ZP4: variants seen among roughly 807,000 people sequenced by gnomAD.
The protein encoded by ZP4 is zona pellucida glycoprotein 4.
ZP4 carries 62 observed loss-of-function variants against 62.3 expected under a neutral mutation model. That is an observed-to-expected ratio of 0.99 (90% CI 0.81 to 1.23). ZP4 has a LOEUF of 1.23. Ranked by LOEUF, ZP4 falls within the 50% of genes most tolerant of loss-of-function variation. The probability of loss-of-function intolerance (pLI) is 0.00; values close to 1 mark genes in which losing one functional copy is unlikely to be tolerated. For missense variants in ZP4, 774 were observed against 656.0 expected (o/e 1.18, Z -1.97); for synonymous variants, 289 against 247.3 (o/e 1.17, Z -1.58).
intron 10 of ZP4, among the ~76,000 whole-genome samples, chr1:237,883,995 C>CAAACACAT (rs1446820456): frequency 2.8e-5 from 2 of 71,942 alleles, no homozygotes; most frequent in African/African-American, 1.2e-4. Context: ...CACACACACA[C>CAAACACAT]ACACACACAC....
In ZP4 at chr1:237,888,495, T is replaced by A; in HGVS notation, c.416A>T (p.Asp139Val). ...TGGGATGGAGTCACACCAGTCAGTA[T>A]CTGGAGCATCTCGGGCTAGGTTTTG... Reference protein sequence around the residue: ...PMDLLARDAPDTDWCDSIPAR... With the variant: ...PMDLLARDAPVTDWCDSIPAR... The change falls in exon 4 of 12, where the codon GAT becomes GTT. Residue 139 changes from aspartate (D) to valine (V), a missense_variant. Physicochemically the swap from Asp to Val is radical, Grantham distance 152. Transcript: ENST00000366570. 1 of 1,600,244 alleles carries A rather than the reference T, an allele frequency of 6.2e-7. No homozygotes were observed. The highest frequency in any genetic ancestry group is 8.5e-7 in the Non-Finnish European group (1 of 1,170,058).
At chr1:237,886,929 A>G (rs535462436) in intron 5 of ZP4, 61 bp from the exon 6 acceptor site, 3 of 1,456,074 alleles carry the variant, frequency 2.1e-6, no homozygotes, top group African/African-American at 1.4e-5. Context: ...CTTGACTTGC[A>G]TCTGGTCTAA....
intron 1 of ZP4, 65 bp from the exon 2 acceptor site, chr1:237,890,241 AGCCTT>A: frequency 6.2e-7 from 1 of 1,609,644 alleles, no homozygotes; most frequent in Non-Finnish European, 8.5e-7. Flanking sequence ...AAGGATAGTC[AGCCTT>A]GCCATTAGAC....
chr1:237,890,366 G>T, intron 1 of ZP4, 95 bp downstream of exon 1: 1 of 1,505,184 alleles, frequency 6.6e-7, no homozygotes, highest in East Asian at 2.3e-5. Context: ...GGGCTCAGAA[G>T]GTGAAAGTAT....
intron 10 of ZP4, among the ~76,000 whole-genome samples, chr1:237,883,967 A>ACAC (rs1665009572): frequency 2.3e-5 from 2 of 86,528 alleles, no homozygotes; most frequent in African/African-American, 5.7e-5. Flanking sequence ...CACACACACA[A>ACAC]ACACACACAC....
intron 10 of ZP4, among the ~76,000 whole-genome samples, chr1:237,884,224 T>A (rs545634231): frequency 6.6e-6 from 1 of 152,306 alleles, no homozygotes; most frequent in African/African-American, 2.4e-5. Flanking sequence ...CTTTGCATAA[T>A]AAAGCACCAT....
At chr1:237,883,967 A>AAAC (rs1558530648) in intron 10 of ZP4, among the ~76,000 whole-genome samples, 1 of 86,568 alleles carries the variant, frequency 1.2e-5, no homozygotes, top group African/African-American at 5.7e-5. Context: ...CACACACACA[A>AAAC]ACACACACAC....
intron 6 of ZP4, 97 bp downstream of exon 6, chr1:237,886,674 T>A: frequency 5.0e-6 from 5 of 992,328 alleles, no homozygotes; most frequent in Non-Finnish European, 7.6e-6. Context: ...AGACAGGTTT[T>A]CTCCTATTGC....
intron 5 of ZP4, 72 bp from the exon 6 acceptor site, chr1:237,886,940 G>C (rs990367633): frequency 2.1e-5 from 28 of 1,354,072 alleles, no homozygotes; most frequent in Non-Finnish European, 2.6e-5. Context: ...TCTGGTCTAA[G>C]CCCTCAGCAA....
rs200321012 is a variant in ZP4 at position 237,888,398 on chromosome 1, A to G, written c.513T>C (p.Tyr171=). The change falls in exon 4 of 12, where the codon TAT becomes TAC. Residue 171 remains tyrosine, a synonymous_variant. Coordinates refer to ENST00000366570, the MANE Select transcript of ZP4 (RefSeq NM_021186.5). ...RGDCEGLGCC[Y]SSEEVNSCYY... Reference sequence around the variant, plus strand: ...AGCAGGAATTCACCTCTTCAGAGCTATAACAACAGCCTAGCCCTTCACAGT... The same window carrying G: ...AGCAGGAATTCACCTCTTCAGAGCTGTAACAACAGCCTAGCCCTTCACAGT... The G allele has an allele frequency of 6.5e-5, 105 of 1,606,690 alleles. No homozygotes were observed. In the Admixed American group the frequency reaches 7.4e-4, roughly 11 times the overall value.
At chr1:237,888,635 C>G in intron 3 of ZP4, 125 bp from the exon 4 acceptor site, 1 of 828,114 alleles carries the variant, frequency 1.2e-6, no homozygotes, top group Non-Finnish European at 1.8e-6. Flanking sequence ...GGTGTCTACT[C>G]CATATTGTAG....
chr1:237,890,422 A>G (rs770204743), intron 1 of ZP4, 39 bp downstream of exon 1: 1 of 1,584,120 alleles, frequency 6.3e-7, no homozygotes. Flanking sequence ...GAGGAGACAT[A>G]TCATTGCTTG....
Position 237,886,810 on chromosome 1 carries a change from T to C in ZP4, c.800A>G (p.Asn267Ser), listed in dbSNP as rs889542724. 12 of 1,613,820 alleles carry C rather than the reference T, an allele frequency of 7.4e-6. No homozygotes were observed. The highest frequency in any genetic ancestry group is 1.0e-5 in the Non-Finnish European group (12 of 1,179,942). The part of the protein sequence containing the change: ...NELVATRDVK[N>S]GSRGSVTRDS... ...ACGAGTGACAGAGCCACGGCTCCCATTTTTCACATCCCTAGTTGCCACCAG... is the reference window on the plus strand; with the variant it reads ...ACGAGTGACAGAGCCACGGCTCCCACTTTTCACATCCCTAGTTGCCACCAG... Residue 267 changes from asparagine (N) to serine (S), a missense_variant, in exon 6 of 12, where the codon AAT becomes AGT. Asn to Ser is a conservative substitution (Grantham distance 46). Transcript: ENST00000366570.
Position 237,888,525 on chromosome 1 carries a change from AGAGT to A in ZP4, c.401-19_401-16del, listed in dbSNP as rs1294320349. On this transcript the variant is annotated splice_polypyrimidine_tract_variant and intron_variant, in intron 3 of 11. Coordinates refer to ENST00000366570, the MANE Select transcript of ZP4 (RefSeq NM_021186.5). ...AGCATCTCGGGCTAGGTTTTGAAAA[AGAGT>A]AAGTCAGGTTAGATAATGGAAAAGT... The A allele has an allele frequency of 1.3e-6, 2 of 1,581,754 alleles. No homozygotes were observed.
intron 1 of ZP4, 69 bp downstream of exon 1, chr1:237,890,392 G>A (rs905777260): frequency 8.6e-5 from 133 of 1,541,090 alleles, no homozygotes; most frequent in Non-Finnish European, 9.2e-5. Flanking sequence ...CGGGAAGATA[G>A]GGAGACATCT....
chr1:237,888,308 T>TA (rs1382550836), intron 4 of ZP4, 50 bp downstream of exon 4: 1 of 1,471,992 alleles, frequency 6.8e-7, no homozygotes, highest in Non-Finnish European at 9.1e-7. Context: ...GGTTTCATTG[T>TA]AATTGCCACA....
intron 4 of ZP4, among the ~76,000 whole-genome samples, 198 bp from the exon 5 acceptor site, chr1:237,887,759 G>C (rs531897710): frequency 1.3e-5 from 2 of 152,098 alleles, no homozygotes; most frequent in Non-Finnish European, 2.9e-5. Context: ...TTGCCTCCCT[G>C]ACTTATTGTG....
rs1664941279 is a variant in ZP4 at position 237,882,547 on chromosome 1, C to A, written c.1498G>T (p.Val500Phe). The change falls in exon 12 of 12, where the codon GTT becomes TTT. Residue 500 changes from valine to phenylalanine, a missense_variant and splice_region_variant. Physicochemically the swap from Val to Phe is conservative, Grantham distance 50. Coordinates refer to ENST00000366570, the MANE Select transcript of ZP4 (RefSeq NM_021186.5). ...CACAGAACTTTCGAGTCTACAGGAACACCTGGAGGATGGATGGAAAGGTAG... is the reference window on the plus strand; with the variant it reads ...CACAGAACTTTCGAGTCTACAGGAAAACCTGGAGGATGGATGGAAAGGTAG... ...ATKDPPEKLR[V>F]PVDSKVLWVA... 6.3e-7 allele frequency: 1 copy of A among 1,596,464 alleles called. No homozygotes were observed. Among genetic ancestry groups the A allele is most frequent in the East Asian group, 2.2e-5 (1 of 44,704 alleles).
At chr1:237,889,148 CTCT>C (rs1665177448) in intron 3 of ZP4, among the ~76,000 whole-genome samples, 1 of 152,122 alleles carries the variant, frequency 6.6e-6, no homozygotes, top group African/African-American at 2.4e-5. Flanking sequence ...GCACATCTAG[CTCT>C]GTGGAGGTAT....
Sources: gnomAD v4.1 joint callset for allele counts (sites outside exome capture counted in the v4.1 genomes callset) on GRCh38, gnomAD v4.1.1 for gene constraint, MANE v1.5 for transcripts, NCBI Gene and HGNC (gene_info 2026-07-23, HGNC 2026-07-21) for gene names.